The following THSD7A variants were observed in gnomAD, a reference collection of about 807,000 sequenced individuals.
The protein encoded by THSD7A is thrombospondin type 1 domain containing 7A.
THSD7A carries 96 observed loss-of-function variants against 231.3 expected under a neutral mutation model. That is an observed-to-expected ratio of 0.41 (90% CI 0.35 to 0.49). The LOEUF (loss-of-function observed/expected upper bound fraction) is 0.49. Ranked by LOEUF, THSD7A falls within the 20% of genes least tolerant of loss-of-function variation. The probability of loss-of-function intolerance (pLI) is 0.05; values close to 1 mark genes in which losing one functional copy is unlikely to be tolerated. For synonymous variants in THSD7A, 940 were observed against 743.3 expected (o/e 1.26, Z -4.30); for missense variants, 2,290 against 2,070.2 (o/e 1.11, Z -2.06).
At chr7:11,563,324 A>T (rs557375273) in intron 4 of THSD7A, among the ~76,000 whole-genome samples, 1 of 152,136 alleles carries the variant, frequency 6.6e-6, no homozygotes, top group Non-Finnish European at 1.5e-5. Context: ...GCTCCCTGCC[A>T]GTCCTTTTTA....
intron 1 of THSD7A, among the ~76,000 whole-genome samples, chr7:11,665,579 G>T (rs541234968): frequency 6.6e-6 from 1 of 152,132 alleles, no homozygotes; most frequent in South Asian, 2.1e-4. Flanking sequence ...TGAAATAAGG[G>T]GTTTGGAACA....
intron 13 of THSD7A, among the ~76,000 whole-genome samples, chr7:11,443,339 C>A (rs1289611184): frequency 6.6e-6 from 1 of 151,942 alleles, no homozygotes; most frequent in Non-Finnish European, 1.5e-5. Flanking sequence ...TACATTATCA[C>A]CTCAAAGTAG....
At chr7:11,667,747 A>C (rs1405861225) in intron 1 of THSD7A, among the ~76,000 whole-genome samples, 1 of 152,208 alleles carries the variant, frequency 6.6e-6, no homozygotes, top group African/African-American at 2.4e-5. Context: ...ACGTATGATT[A>C]TCATGATTCT....
chr7:11,549,819 G>A (rs1389713412), intron 4 of THSD7A, among the ~76,000 whole-genome samples: 1 of 152,014 alleles, frequency 6.6e-6, no homozygotes, highest in Non-Finnish European at 1.5e-5. Flanking sequence ...TATATGTTGG[G>A]CTTGATACCT....
At chr7:11,706,548 T>C (rs17245738) in intron 1 of THSD7A, among the ~76,000 whole-genome samples, 37,039 of 149,908 alleles carry the variant, frequency 0.25, 4,996 homozygotes, top group Non-Finnish European at 0.31. Context: ...CATCTATACT[T>C]ATAATCTGTT....
At chr7:11,798,488 A>G (rs532183899) in intron 1 of THSD7A, among the ~76,000 whole-genome samples, 1 of 152,140 alleles carries the variant, frequency 6.6e-6, no homozygotes, top group Non-Finnish European at 1.5e-5. Context: ...CAAAACAAAA[A>G]AAGAAAAAAC....
In THSD7A at chr7:11,564,667, G is replaced by C. The variant is rs1029172273; in HGVS notation, c.1454-21550C>G. 5.3e-5 allele frequency among the ~76,000 whole-genome samples: 8 copies of C among 152,272 alleles called. No individual in the cohort carries two copies. In the East Asian group the frequency reaches 1.4e-3, roughly 26 times the overall value. On this transcript the variant is annotated intron_variant, in intron 4 of 27. Transcript: ENST00000423059. ...TCTCCTGATTTCAAGGACAGGTATAGGGTTTTCCCTATTTGTATATTCACT... is the reference window on the plus strand; with the variant it reads ...TCTCCTGATTTCAAGGACAGGTATACGGTTTTCCCTATTTGTATATTCACT...
At chr7:11,723,788 G>T (rs1278450808) in intron 1 of THSD7A, among the ~76,000 whole-genome samples, 1 of 151,810 alleles carries the variant, frequency 6.6e-6, no homozygotes, top group Non-Finnish European at 1.5e-5. Flanking sequence ...ATCATAACAG[G>T]GTCAGTAGGG....
intron 1 of THSD7A, among the ~76,000 whole-genome samples, chr7:11,679,152 T>C (rs773907208): frequency 9.9e-5 from 15 of 152,208 alleles, no homozygotes; most frequent in Non-Finnish European, 2.1e-4. Flanking sequence ...TCAACACCGC[T>C]TCATGCTAAA....
At chr7:11,507,629 G>A (rs182002644) in intron 6 of THSD7A, among the ~76,000 whole-genome samples, 14 of 145,174 alleles carry the variant, frequency 9.6e-5, no homozygotes, top group African/African-American at 3.5e-4. Context: ...TTTAACTGCT[G>A]GAGTTGTTAC....
chr7:11,614,392 T>C (rs777568474), intron 2 of THSD7A, among the ~76,000 whole-genome samples: 1 of 152,196 alleles, frequency 6.6e-6, no homozygotes, highest in Non-Finnish European at 1.5e-5. Context: ...GATTTACTTA[T>C]TTGGATGTGG....
intron 6 of THSD7A, among the ~76,000 whole-genome samples, chr7:11,538,634 T>C (rs940879767): frequency 2.0e-5 from 3 of 152,204 alleles, no homozygotes; most frequent in Admixed American, 2.0e-4. Flanking sequence ...TGGAATTGTG[T>C]ATCCGATGAT....
intron 11 of THSD7A, among the ~76,000 whole-genome samples, chr7:11,451,114 T>C (rs1268604902): frequency 6.6e-6 from 1 of 151,980 alleles, no homozygotes; most frequent in Non-Finnish European, 1.5e-5. Context: ...CCATCAATAT[T>C]GGGAAAATGC....
chr7:11,391,440 C>T (rs755128809), intron 23 of THSD7A, among the ~76,000 whole-genome samples: 2 of 152,174 alleles, frequency 1.3e-5, no homozygotes, highest in African/African-American at 2.4e-5. Flanking sequence ...ATGGCAGACG[C>T]CCCTCCCCAG....
chr7:11,740,250 T>C (rs1351691476), intron 1 of THSD7A, among the ~76,000 whole-genome samples: 3 of 151,976 alleles, frequency 2.0e-5, no homozygotes, highest in South Asian at 4.1e-4. Context: ...GAAGCCATGA[T>C]GGCCGGGACA....
intron 24 of THSD7A, among the ~76,000 whole-genome samples, chr7:11,381,530 A>G (rs979228291): frequency 5.3e-5 from 8 of 152,168 alleles, no homozygotes; most frequent in Admixed American, 2.6e-4. Flanking sequence ...AAATTTCTAA[A>G]CAAACATCAC....
intron 1 of THSD7A, among the ~76,000 whole-genome samples, chr7:11,700,973 T>G (rs557567982): frequency 2.6e-5 from 4 of 151,420 alleles, no homozygotes; most frequent in Non-Finnish European, 5.9e-5. Context: ...TAATTTTATT[T>G]TACAAGAAAA....
At chr7:11,787,946 C>T (rs1280814876) in intron 1 of THSD7A, among the ~76,000 whole-genome samples, 1 of 152,094 alleles carries the variant, frequency 6.6e-6, no homozygotes, top group East Asian at 1.9e-4. Context: ...CACTCTCAGG[C>T]ATTAGTTCCA....
chr7:11,510,943 G>A (rs1256388256), intron 6 of THSD7A, among the ~76,000 whole-genome samples: 1 of 152,018 alleles, frequency 6.6e-6, no homozygotes, highest in African/African-American at 2.4e-5. Flanking sequence ...GGGCAATCAG[G>A]CAGGAGCAAC....
Sources: gnomAD v4.1 joint callset for allele counts (sites outside exome capture counted in the v4.1 genomes callset) on GRCh38, gnomAD v4.1.1 for gene constraint, MANE v1.5 for transcripts, NCBI Gene and HGNC (gene_info 2026-07-23, HGNC 2026-07-21) for gene names.